The following RIMBP2 variants were observed in gnomAD, a reference collection of about 807,000 sequenced individuals.
RIMBP2 encodes the protein RIMS-binding protein 2.
A neutral mutation model predicts 118.6 loss-of-function variants in RIMBP2; 48 were observed. The ratio of observed to expected loss-of-function variants is 0.40; its 90% CI spans 0.32 to 0.51. RIMBP2 has a LOEUF of 0.51. RIMBP2 is among the 20% of genes least tolerant of loss of function. The pLI, the probability that RIMBP2 is intolerant of heterozygous loss-of-function variation, is 0.41. For missense variants in RIMBP2, 1,551 were observed against 1,768.3 expected (o/e 0.88, Z 2.20); for synonymous variants, 762 against 742.9 (o/e 1.03, Z -0.42).
rs1468725210 is a variant in RIMBP2, at chr12:130,422,659, A to T, written c.3130-98T>A. 2.4e-6 allele frequency: 2 copies of T among 819,092 alleles called. No individual in the cohort carries two copies. Among genetic ancestry groups the T allele is most frequent in the Admixed American group, 2.3e-5 (1 of 43,354 alleles). 50.7% of individuals were successfully genotyped at this position (819,092 alleles called of 1,614,324 possible). A position where few individuals can be genotyped will look rare whatever the true frequency, so the allele number is the denominator to read the frequency against. On this transcript the variant is annotated intron_variant, in intron 16 of 22. Coordinates refer to ENST00000690449, the MANE Select transcript of RIMBP2 (RefSeq NM_001393629.1). The surrounding 1 kb of genome is among the most constrained non-coding windows in gnomAD (Gnocchi z 5.2). Reference sequence around the variant, plus strand: ...AAGCGGGTTGAAAAGCAGAATCTGTAAAGGCAACTAAACTTAGCTTTTAAC... The same window carrying T: ...AAGCGGGTTGAAAAGCAGAATCTGTTAAGGCAACTAAACTTAGCTTTTAAC...
intron 21 of RIMBP2, among the ~76,000 whole-genome samples, chr12:130,400,063 C>T (rs1452751279): frequency 2.0e-5 from 3 of 152,148 alleles, no homozygotes; most frequent in Non-Finnish European, 4.4e-5. Context: ...TGCCTTTTGG[C>T]CAAAGAGCCC....
Position 130,450,194 on chromosome 12 carries a change from A to AC in RIMBP2, c.581+5dup, listed in dbSNP as rs2078880771. 1 of 1,599,274 alleles carries AC rather than the reference A, an allele frequency of 6.3e-7. No individual in the cohort carries two copies. Among genetic ancestry groups the AC allele is most frequent in the African/African-American group, 1.3e-5 (1 of 74,424 alleles). On this transcript the variant is annotated splice_donor_region_variant and intron_variant, in intron 9 of 22. Transcript: ENST00000690449. The surrounding 1 kb of genome is among the most constrained non-coding windows in gnomAD (Gnocchi z 4.8). ...GGCTCGGTGGACGCCGAGGGGCCGC[A>AC]CTTACCTATAGCGGGCAACACAGAG... is the stretch of plus-strand genomic sequence containing the variant.
intron 7 of RIMBP2, among the ~76,000 whole-genome samples, chr12:130,454,091 G>C (rs2079218844): frequency 6.6e-6 from 1 of 152,124 alleles, no homozygotes; most frequent in Non-Finnish European, 1.5e-5. Flanking sequence ...CTGGATTATA[G>C]ACTTGAAGTT....
intron 6 of RIMBP2, among the ~76,000 whole-genome samples, chr12:130,463,335 CTG>C: frequency 6.6e-6 from 1 of 152,336 alleles, no homozygotes; most frequent in African/African-American, 2.4e-5. Flanking sequence ...GCGCTAGGGT[CTG>C]CAGGGCACTG....
intron 18 of RIMBP2, among the ~76,000 whole-genome samples, chr12:130,413,869 C>T (rs11060872): frequency 0.44 from 66,559 of 151,866 alleles, 14,780 homozygotes; most frequent in South Asian, 0.53. Context: ...CAACGTAGGC[C>T]CTAATAGAAT....
chr12:130,706,591 G>A (rs2136831792), intron 1 of RIMBP2, among the ~76,000 whole-genome samples: 1 of 152,382 alleles, frequency 6.6e-6, no homozygotes, highest in Admixed American at 6.5e-5. Context: ...AGTGGCCAGG[G>A]GCAGGCGCTC....
chr12:130,564,658 G>A (rs2057084274), intron 2 of RIMBP2, among the ~76,000 whole-genome samples: 1 of 152,198 alleles, frequency 6.6e-6, no homozygotes, highest in South Asian at 2.1e-4. Flanking sequence ...AGTTGCAGAA[G>A]GACAAATACT....
In RIMBP2 at chr12:130,698,239, G is replaced by A. The variant is rs1298282721; in HGVS notation, c.-352+17983C>T. 4.6e-5 allele frequency among the ~76,000 whole-genome samples: 7 copies of A among 152,274 alleles called. No individual in the cohort carries two copies. In the East Asian group the frequency reaches 1.4e-3, roughly 29 times the overall value. ...GGGGGTGCAACCGTGACTTAGTGAA[G>A]CCCCTTCCTTTGGGTCTCGTTACAG... is the stretch of plus-strand genomic sequence containing the variant. On this transcript the variant is annotated intron_variant, in intron 1 of 22. Transcript: ENST00000690449.
At chr12:130,468,948 G>A (rs1184781459) in intron 6 of RIMBP2, 1 of 152,134 alleles carries the variant, frequency 6.6e-6, no homozygotes, top group African/African-American at 2.4e-5. Context: ...ATGAGGGGGA[G>A]GCCCTGCTTG....
intron 1 of RIMBP2, among the ~76,000 whole-genome samples, chr12:130,697,938 G>C (rs2065651769): frequency 6.6e-6 from 1 of 152,234 alleles, no homozygotes; most frequent in Admixed American, 6.5e-5. Flanking sequence ...AAGTTGTCTA[G>C]GAAGCAGCTG....
intron 1 of RIMBP2, among the ~76,000 whole-genome samples, chr12:130,631,681 C>CA (rs201707473): frequency 2.0e-3 from 267 of 135,236 alleles, no homozygotes; most frequent in African/African-American, 5.0e-3. Context: ...ACTGGTAAGT[C>CA]AAAAAAAAAA....
intron 20 of RIMBP2, 138 bp downstream of exon 20, chr12:130,407,588 C>T (rs940285673): frequency 1.6e-5 from 12 of 769,354 alleles, no homozygotes; most frequent in African/African-American, 8.5e-5. Context: ...AGCCATCCCT[C>T]GGATCGGCAG....
rs1399641386 is a variant in RIMBP2 at position 130,525,904 on chromosome 12, GTAAC to G, written c.-216-7991_-216-7988del. On this transcript the variant is annotated intron_variant, in intron 2 of 22. Coordinates refer to ENST00000690449, the MANE Select transcript of RIMBP2 (RefSeq NM_001393629.1). The surrounding 1 kb of genome is among the most constrained non-coding windows in gnomAD (Gnocchi z 4.4). ...AGAAATTCAAGCTCAAGGAGGTTAA[GTAAC>G]TGAGCGAGCAGCCTCCCCCGAGCAT... 6.6e-6 allele frequency among the ~76,000 whole-genome samples: 1 copy of G among 152,158 alleles called. No individual in the cohort carries two copies. Among genetic ancestry groups the G allele is most frequent in the Non-Finnish European group, 1.5e-5 (1 of 68,032 alleles).
At chr12:130,587,579 A>G (rs1251859591) in intron 2 of RIMBP2, among the ~76,000 whole-genome samples, 1 of 90,486 alleles carries the variant, frequency 1.1e-5, no homozygotes, top group Non-Finnish European at 2.1e-5. Context: ...TATCGCAAGA[A>G]CAAAAAACCA....
Position 130,407,629 on chromosome 12 carries a change from A to G in RIMBP2, c.3693+97T>C. 4 of 947,126 alleles carry G rather than the reference A, an allele frequency of 4.2e-6. No homozygotes were observed. The East Asian group carries it at 9.6e-5, about 23-fold the overall frequency. The allele number at this position is 947,126 out of a possible 1,614,324, so 58.7% of individuals were successfully genotyped here. On this transcript the variant is annotated intron_variant, in intron 20 of 22. Transcript: ENST00000690449. ...CCTACGGATGGTTCGGAGAGAAGGAATGAGGAGGTGAACACACGTGGCCTC... is the reference window on the plus strand; with the variant it reads ...CCTACGGATGGTTCGGAGAGAAGGAGTGAGGAGGTGAACACACGTGGCCTC...
intron 14 of RIMBP2, chr12:130,430,077 C>G (rs563111376): frequency 6.6e-6 from 1 of 152,374 alleles, no homozygotes; most frequent in East Asian, 1.9e-4. Context: ...TCTCTCCATT[C>G]TTGGAATAGT....
chr12:130,578,228 A>C lies in RIMBP2; in HGVS notation c.-217+50094T>G, dbSNP rs1309395741. On this transcript the variant is annotated intron_variant, in intron 2 of 22. Coordinates refer to ENST00000690449, the MANE Select transcript of RIMBP2 (RefSeq NM_001393629.1). This position sits in a 1 kb window ranked among gnomAD's most constrained non-coding sequence, Gnocchi z 4.1. ...CTGAGCTGGGGCAGAAGCTCAGAGG[A>C]TTCCATCCATCCACTTCTGAACCTT... is the stretch of plus-strand genomic sequence containing the variant. 1.3e-5 allele frequency among the ~76,000 whole-genome samples: 2 copies of C among 152,196 alleles called. No homozygotes were observed. Among genetic ancestry groups the C allele is most frequent in the Non-Finnish European group, 2.9e-5 (2 of 68,032 alleles).
At chr12:130,492,570 C>T (rs1323161464) in intron 4 of RIMBP2, among the ~76,000 whole-genome samples, 1 of 152,190 alleles carries the variant, frequency 6.6e-6, no homozygotes, top group Non-Finnish European at 1.5e-5. Context: ...ATCCATGCTG[C>T]TTTGGGAGGG....
At chr12:130,652,206 T>G (rs2063257358) in intron 1 of RIMBP2, among the ~76,000 whole-genome samples, 1 of 152,242 alleles carries the variant, frequency 6.6e-6, no homozygotes, top group Admixed American at 6.5e-5. Flanking sequence ...CTATGTAGCC[T>G]TTAGGCCAAA....
Sources: allele counts gnomAD v4.1 joint callset (sites outside exome capture counted in the v4.1 genomes callset), GRCh38; gene constraint gnomAD v4.1.1; non-coding constraint Gnocchi (gnomAD v3.1); transcripts MANE v1.5; gene names NCBI Gene and HGNC (gene_info 2026-07-23, HGNC 2026-07-21).